HDAC9: variants seen among roughly 807,000 people sequenced by gnomAD.
The protein encoded by HDAC9 is MEF-2 interacting transcription repressor (MITR) protein.
Under a neutral mutation model 139.4 loss-of-function variants are expected in HDAC9, and 41 were observed. The ratio of observed to expected loss-of-function variants is 0.29; its 90% CI spans 0.23 to 0.38. The LOEUF (loss-of-function observed/expected upper bound fraction) is 0.38, where lower values mean the gene tolerates loss of function less well. Ranked by LOEUF, HDAC9 falls within the 10% of genes least tolerant of loss-of-function variation. HDAC9 has a pLI of 1.00. For missense variants in HDAC9, 1,147 were observed against 1,297.0 expected, an observed-to-expected ratio of 0.88 and a Z score of 1.78; for synonymous variants, 517 against 476.2, an observed-to-expected ratio of 1.09 and a Z score of -1.12.
At chr7:18,444,595 A>G (rs1792120067) in intron 1 of HDAC9, among the ~76,000 whole-genome samples, 1 of 152,096 alleles carries the variant, frequency 6.6e-6, no homozygotes, top group Non-Finnish European at 1.5e-5. Context: ...GGTATCCTAG[A>G]TACAAAGGAG....
At chr7:18,775,654 C>T (rs1790701431) in intron 16 of HDAC9, among the ~76,000 whole-genome samples, 1 of 151,324 alleles carries the variant, frequency 6.6e-6, no homozygotes, top group Admixed American at 6.6e-5. Flanking sequence ...TGTGAAGCAA[C>T]ATGTAGACTC....
At chr7:18,535,731 A>G (rs1343950212) in intron 2 of HDAC9, among the ~76,000 whole-genome samples, 1 of 149,466 alleles carries the variant, frequency 6.7e-6, no homozygotes, top group African/African-American at 2.5e-5. Flanking sequence ...GCAAAAAAAA[A>G]AAAAAAAAAA....
intron 2 of HDAC9, among the ~76,000 whole-genome samples, chr7:18,539,607 T>C (rs900660094): frequency 2.0e-5 from 3 of 152,238 alleles, no homozygotes; most frequent in Non-Finnish European, 4.4e-5. Flanking sequence ...GAAAGGTATA[T>C]GGGAACTTAT....
chr7:18,935,249 A>T (rs1326952142), intron 22 of HDAC9, among the ~76,000 whole-genome samples: 1 of 152,136 alleles, frequency 6.6e-6, no homozygotes, highest in African/African-American at 2.4e-5. Context: ...GTATTTTATA[A>T]CTCGTATAGA....
rs994027122 is a variant in HDAC9, at chr7:18,997,816, T to G, written c.*1754T>G. The G allele has an allele frequency of 1.6e-4, 25 of 152,154 alleles. No individual in the cohort carries two copies. The highest frequency in any genetic ancestry group is 5.8e-4 in the African/African-American group (24 of 41,444). The allele number at this position is 152,154 out of a possible 1,614,324, so 9.4% of individuals were successfully genotyped here. A position where few individuals can be genotyped will look rare whatever the true frequency, so the allele number is the denominator to read the frequency against. Reference sequence around the variant, plus strand: ...TTTTTTTAGGATTACCATTTTAATTTTAAAGACTTTTATTACATATACAAA... The same window carrying G: ...TTTTTTTAGGATTACCATTTTAATTGTAAAGACTTTTATTACATATACAAA... On this transcript the variant is annotated 3_prime_UTR_variant, in exon 26 of 26. Transcript: ENST00000686413.
intron 21 of HDAC9, among the ~76,000 whole-genome samples, chr7:18,843,431 T>C (rs1796712812): frequency 6.6e-6 from 1 of 152,100 alleles, no homozygotes; most frequent in Non-Finnish European, 1.5e-5. Context: ...AATCTAGTAA[T>C]AGTGGAATTG....
At chr7:18,279,615 G>A (rs778692879) in intron 2 of HDAC9, among the ~76,000 whole-genome samples, 45 of 151,704 alleles carry the variant, frequency 3.0e-4, no homozygotes, top group Non-Finnish European at 4.3e-4. Flanking sequence ...ACAGGCGCCC[G>A]CCACCACAGC....
At chr7:18,873,935 T>C (rs554254632) in intron 21 of HDAC9, among the ~76,000 whole-genome samples, 2 of 152,264 alleles carry the variant, frequency 1.3e-5, no homozygotes, top group African/African-American at 2.4e-5. Flanking sequence ...GTCTGGATTC[T>C]ATTAAGGGAA....
chr7:18,950,490 G>C (rs1157144077), intron 23 of HDAC9, among the ~76,000 whole-genome samples: 1 of 152,182 alleles, frequency 6.6e-6, no homozygotes, highest in African/African-American at 2.4e-5. Flanking sequence ...GCTATGGTGA[G>C]CAGAATAAAG....
intron 1 of HDAC9, among the ~76,000 whole-genome samples, chr7:18,092,159 A>G (rs909432688): frequency 9.2e-5 from 14 of 152,148 alleles, no homozygotes; most frequent in African/African-American, 3.1e-4. Context: ...GCCAAGGCAG[A>G]TGAACTGCTT....
chr7:18,908,898 T>G (rs547111598), intron 22 of HDAC9, among the ~76,000 whole-genome samples: 1 of 152,226 alleles, frequency 6.6e-6, no homozygotes, highest in African/African-American at 2.4e-5. Flanking sequence ...AACACATTGA[T>G]TTCCTTCCTT....
At chr7:18,470,826 A>C (rs980820859) in intron 1 of HDAC9, among the ~76,000 whole-genome samples, 6 of 152,296 alleles carry the variant, frequency 3.9e-5, no homozygotes, top group African/African-American at 1.4e-4. Context: ...ATTAGATTTC[A>C]GAGAGATAAG....
At chr7:18,847,179 T>G (rs1796964581) in intron 21 of HDAC9, among the ~76,000 whole-genome samples, 5 of 152,124 alleles carry the variant, frequency 3.3e-5, no homozygotes, top group Admixed American at 3.3e-4. Flanking sequence ...AAGGGCAGGG[T>G]TAAAGGCCAC....
chr7:18,879,727 A>G (rs1276069214), intron 22 of HDAC9, among the ~76,000 whole-genome samples: 1 of 152,190 alleles, frequency 6.6e-6, no homozygotes, highest in African/African-American at 2.4e-5. Flanking sequence ...CATCCTAGGC[A>G]ATACCGTCCT....
intron 1 of HDAC9, among the ~76,000 whole-genome samples, chr7:18,389,174 C>T (rs1045035157): frequency 2.0e-5 from 3 of 152,146 alleles, no homozygotes; most frequent in Non-Finnish European, 2.9e-5. Flanking sequence ...ATTTTGGCCA[C>T]TAAGCTAATA....
intron 2 of HDAC9, among the ~76,000 whole-genome samples, chr7:18,254,594 A>G (rs1795117000): frequency 6.6e-6 from 1 of 152,186 alleles, no homozygotes; most frequent in South Asian, 2.1e-4. Flanking sequence ...ATCAAGGTTT[A>G]TCTGAGGTAA....
At chr7:18,177,746 A>G (rs527893832) in intron 2 of HDAC9, among the ~76,000 whole-genome samples, 18 of 152,152 alleles carry the variant, frequency 1.2e-4, no homozygotes, top group Non-Finnish European at 2.5e-4. Context: ...TGTGGGGTGT[A>G]TATAGAGTGA....
At chr7:18,159,993 T>C (rs1257424675) in intron 1 of HDAC9, among the ~76,000 whole-genome samples, 1 of 152,170 alleles carries the variant, frequency 6.6e-6, no homozygotes, top group East Asian at 1.9e-4. Context: ...AACTATTACA[T>C]GCCCAGCCAC....
intron 1 of HDAC9, among the ~76,000 whole-genome samples, chr7:18,159,984 A>G (rs904332601): frequency 3.3e-5 from 5 of 152,192 alleles, no homozygotes; most frequent in Non-Finnish European, 7.4e-5. Flanking sequence ...TCAAAACCCA[A>G]CTATTACATG....
Sources: gnomAD v4.1 joint callset for allele counts (sites outside exome capture counted in the v4.1 genomes callset) on GRCh38, gnomAD v4.1.1 for gene constraint, MANE v1.5 for transcripts, NCBI Gene and HGNC (gene_info 2026-07-23, HGNC 2026-07-21) for gene names.